ITIH6: variants seen among roughly 807,000 people sequenced by gnomAD.
The protein encoded by ITIH6 is inter-alpha-trypsin inhibitor heavy chain H6.
ITIH6 carries 60 observed loss-of-function variants against 58.2 expected under a neutral mutation model. The observed-to-expected ratio is 1.03, with a 90% CI of 0.84 to 1.28. The LOEUF (loss-of-function observed/expected upper bound fraction) is 1.28. Among genes scored for constraint, ITIH6 ranks in the 50% most tolerant of loss-of-function variants. The probability of loss-of-function intolerance (pLI) is 0.00; values close to 1 mark genes in which losing one functional copy is unlikely to be tolerated. For missense variants in ITIH6, 1,290 were observed against 1,021.1 expected, an observed-to-expected ratio of 1.26 and a Z score of -3.59; for synonymous variants, 493 against 417.4, an observed-to-expected ratio of 1.18 and a Z score of -2.21.
intron 2 of ITIH6, among the ~76,000 whole-genome samples, chrX:54,794,876 G>C (rs1929413376): frequency 9.0e-6 from 1 of 111,618 alleles, no homozygotes; most frequent in Admixed American, 9.5e-5. Flanking sequence ...TGGCTACTGA[G>C]GCCCCACTAA....
intron 5 of ITIH6, 97 bp downstream of exon 5, chrX:54,788,383 C>A: frequency 1.3e-6 from 1 of 770,321 alleles, no homozygotes. Flanking sequence ...CCTTGCTTAT[C>A]TCTAGGGAAA....
In ITIH6 at chrX:54,758,236, G is replaced by T. The variant is rs767072474; in HGVS notation, c.1838C>A (p.Pro613His). 1 of 1,209,248 alleles carries T rather than the reference G, an allele frequency of 8.3e-7. No individual in the cohort carries two copies. The highest frequency in any genetic ancestry group is 2.2e-5 in the Admixed American group (1 of 45,738). The change falls in exon 8 of 13, where the codon CCC becomes CAC. Residue 613 changes from proline (P) to histidine (H), a missense_variant. Transcript: ENST00000218436. ...CCTGGTCTCCTCACTGGCCTGTTTGGGTTGCACCATGACCAGTGAAGTCAG... is the reference window on the plus strand; with the variant it reads ...CCTGGTCTCCTCACTGGCCTGTTTGTGTTGCACCATGACCAGTGAAGTCAG... ...TPLTSLVMVQ[P>H]KQASEETRRQ...
intron 10 of ITIH6, 38 bp downstream of exon 10, chrX:54,753,892 G>A (rs747694703): frequency 4.2e-6 from 5 of 1,193,859 alleles, no homozygotes; most frequent in Non-Finnish European, 5.7e-6. Context: ...AAGCTGCCCT[G>A]TACTCAAACA....
Position 54,758,297 on chromosome X carries a change from G to C in ITIH6, c.1777C>G (p.Leu593Val). 1.7e-6 allele frequency: 2 copies of C among 1,211,762 alleles called. No homozygotes were observed. The highest frequency in any genetic ancestry group is 2.2e-6 in the Non-Finnish European group (2 of 895,330). The part of the protein sequence containing the change: ...TTRHLLAAKV[L>V]NLSLEYNFVT... ...AAGTTGTATTCAAGGGACAGGTTGA[G>C]GACTTTGGCAGCCAGCAGGTGGCGA... Residue 593 changes from leucine (L) to valine (V), a missense_variant, in exon 8 of 13, where the codon CTC becomes GTC. Transcript: ENST00000218436.
rs775332002 is a variant in ITIH6 at position 54,758,641 on chromosome X, C to T, written c.1433G>A (p.Arg478His). The T allele has an allele frequency of 4.9e-5, 59 of 1,209,933 alleles. No individual in the cohort carries two copies. Among genetic ancestry groups the T allele is most frequent in the South Asian group, 1.1e-4 (6 of 56,804 alleles). Reference sequence around the variant, plus strand: ...AACCAAGCCACCCAGGTAGTTCAGACGCACATCTGCCAGCAGAGGCATGGA... The same window carrying T: ...AACCAAGCCACCCAGGTAGTTCAGATGCACATCTGCCAGCAGAGGCATGGA... ...EISMPLLADV[R>H]LNYLGGLVGA... The change falls in exon 8 of 13, where the codon CGT (arginine) becomes CAT (histidine). Residue 478 changes from arginine (R) to histidine (H), a missense_variant. Physicochemically the swap from Arg to His is conservative, Grantham distance 29 (BLOSUM62 0). Transcript: ENST00000218436.
chrX:54,769,334 G>A (rs1476936529), intron 6 of ITIH6, among the ~76,000 whole-genome samples: 15 of 80,667 alleles, frequency 1.9e-4, no homozygotes, highest in Admixed American at 5.7e-4. Context: ...ATGTCCTCCC[G>A]TAGCTCAGAG....
chrX:54,767,179 AG>A (rs1196144206), intron 6 of ITIH6, among the ~76,000 whole-genome samples: 2 of 105,864 alleles, frequency 1.9e-5, no homozygotes, highest in African/African-American at 7.2e-5. Context: ...ATTTGCGTAG[AG>A]GTGTTTGTAG....
intron 5 of ITIH6, 29 bp from the exon 6 acceptor site, chrX:54,774,226 G>C (rs772822332): frequency 1.5e-4 from 103 of 694,703 alleles, no homozygotes; most frequent in Non-Finnish European, 2.0e-4. Flanking sequence ...AAAAAAAGTA[G>C]AACCAAGAAG....
intron 1 of ITIH6, 81 bp from the exon 2 acceptor site, chrX:54,797,177 T>C (rs1929459002): frequency 2.3e-6 from 2 of 853,249 alleles, no homozygotes; most frequent in South Asian, 5.5e-5. Context: ...AACCCAAGAT[T>C]CCTACACAGG....
intron 5 of ITIH6, among the ~76,000 whole-genome samples, chrX:54,786,711 T>A (rs1929248846): frequency 9.0e-6 from 1 of 111,494 alleles, no homozygotes; most frequent in Non-Finnish European, 1.9e-5. Flanking sequence ...GAACTGGCTT[T>A]CCTCTTCATT....
intron 6 of ITIH6, among the ~76,000 whole-genome samples, chrX:54,767,102 C>T (rs1295401700): frequency 3.6e-5 from 4 of 110,316 alleles, no homozygotes; most frequent in Non-Finnish European, 7.5e-5. Context: ...TCAACTTCTT[C>T]CTGGTTTAGT....
chrX:54,791,174 C>T, intron 3 of ITIH6, 90 bp from the exon 4 acceptor site: 1 of 978,769 alleles, frequency 1.0e-6, no homozygotes, highest in South Asian at 2.4e-5. Context: ...CTCCCCCCAA[C>T]CCTGGTCCCA....
rs756020559 is a variant in ITIH6 at position 54,753,750 on chromosome X, G to T, written c.3253C>A (p.His1085Asn). Residue 1085 changes from histidine (H) to asparagine (N), a missense_variant, in exon 11 of 13, where the codon CAC (histidine) becomes AAC (asparagine). Physicochemically the swap from His to Asn is moderately conservative, Grantham distance 68. Coordinates refer to ENST00000218436, the MANE Select transcript of ITIH6 (RefSeq NM_198510.3). ...GAGTGTGGGATTTGGATCACAAAGT[G>T]GGGGTCCCCGTCCACTGCAAGGCAG... is the stretch of plus-strand genomic sequence containing the variant. The part of the protein sequence containing the change: ...TFSSSVDGDP[H>N]FVIQIPHSEE... The T allele has an allele frequency of 8.3e-7, 1 of 1,206,546 alleles. No homozygotes were observed. Among genetic ancestry groups the T allele is most frequent in the South Asian group, 1.8e-5 (1 of 56,786 alleles).
intron 5 of ITIH6, among the ~76,000 whole-genome samples, chrX:54,785,583 T>C (rs2147618421): frequency 9.0e-6 from 1 of 111,682 alleles, no homozygotes; most frequent in Non-Finnish European, 1.9e-5. Context: ...TCCCGGCCCA[T>C]GAATGTCACA....
intron 6 of ITIH6, among the ~76,000 whole-genome samples, chrX:54,769,372 C>G (rs1928887042): frequency 1.1e-5 from 1 of 94,695 alleles, no homozygotes; most frequent in South Asian, 5.6e-4. Flanking sequence ...GCCTTCTTCT[C>G]TCAGCTCGTC....
Position 54,756,852 on chromosome X carries a change from G to A in ITIH6, c.3109+113C>T, listed in dbSNP as rs189370924. 3,521 of 464,112 alleles carry A rather than the reference G, an allele frequency of 7.6e-3. 20 individuals are homozygous for A. The highest frequency in any genetic ancestry group is 0.01 in the Non-Finnish European group (2,980 of 290,064). 38.2% of individuals were successfully genotyped at this position (464,112 alleles called of 1,213,427 possible). A position where few individuals can be genotyped will look rare whatever the true frequency, so the allele number is the denominator to read the frequency against. On this transcript the variant is annotated intron_variant, in intron 8 of 12. Coordinates refer to ENST00000218436, the MANE Select transcript of ITIH6 (RefSeq NM_198510.3). ...AGCAAGCAAGCAAGCAAGCAAGCAA[G>A]GAAGCAGCTGTCCCATCACTGGAGT... is the stretch of plus-strand genomic sequence containing the variant.
In ITIH6 at chrX:54,788,569, C is replaced by A; in HGVS notation, c.697G>T (p.Asp233Tyr). The part of the protein sequence containing the change: ...VRITYCPTLQ[D>Y]QSSISGSGIM... ...CCTGACCCAGAGATGGACGACTGGT[C>A]TTGCAATGTCGGGCAGTAGGTGATT... Residue 233 changes from aspartate to tyrosine, a missense_variant, in exon 5 of 13, where the codon GAC (aspartate) becomes TAC (tyrosine). Coordinates refer to ENST00000218436, the MANE Select transcript of ITIH6 (RefSeq NM_198510.3). 1 of 1,209,726 alleles carries A rather than the reference C, an allele frequency of 8.3e-7. No homozygotes were observed.
chrX:54,768,612 G>T (rs1772419521), intron 6 of ITIH6, among the ~76,000 whole-genome samples: 2 of 109,019 alleles, frequency 1.8e-5, no homozygotes, highest in African/African-American at 3.4e-5. Context: ...GTCAGCATTT[G>T]CTTGTCTGTA....
intron 1 of ITIH6, among the ~76,000 whole-genome samples, 165 bp from the exon 2 acceptor site, chrX:54,797,261 G>C (rs1929460119): frequency 8.9e-6 from 1 of 111,929 alleles, no homozygotes; most frequent in African/African-American, 3.2e-5. Flanking sequence ...TGGTGGATCT[G>C]CCTGATTACT....
Sources: gnomAD v4.1 joint callset for allele counts (sites outside exome capture counted in the v4.1 genomes callset) on GRCh38, gnomAD v4.1.1 for gene constraint, MANE v1.5 for transcripts, NCBI Gene and HGNC (gene_info 2026-07-23, HGNC 2026-07-21) for gene names.